The following LRRC7 variants were observed in gnomAD, a reference collection of about 807,000 sequenced individuals.
LRRC7 encodes leucine rich repeat containing 7, also known as leucine-rich repeat-containing protein 7.
LRRC7 carries 23 observed loss-of-function variants against 175.7 expected under a neutral mutation model. The ratio of observed to expected loss-of-function variants is 0.13; its 90% CI spans 0.09 to 0.19. The LOEUF is 0.19. LRRC7 is among the 10% of genes least tolerant of loss of function. The pLI is 1.00. For missense variants in LRRC7, 1,354 were observed against 1,904.7 expected, an observed-to-expected ratio of 0.71 and a Z score of 5.38; for synonymous variants, 685 against 680.9, an observed-to-expected ratio of 1.01 and a Z score of -0.09.
At chr1:69,890,178 G>T (rs961435596) in intron 7 of LRRC7, among the ~76,000 whole-genome samples, 1 of 152,170 alleles carries the variant, frequency 6.6e-6, no homozygotes, top group Non-Finnish European at 1.5e-5. Context: ...CCAGGTCCAT[G>T]TGAGGAATCA....
At chr1:69,714,744 C>G (rs1171936364) in intron 2 of LRRC7, among the ~76,000 whole-genome samples, 1 of 152,078 alleles carries the variant, frequency 6.6e-6, no homozygotes, top group Non-Finnish European at 1.5e-5. Flanking sequence ...GGCAGAGAAT[C>G]ACTTTTTAAC....
At chr1:69,887,331 T>G (rs1424996661) in intron 7 of LRRC7, among the ~76,000 whole-genome samples, 1 of 129,782 alleles carries the variant, frequency 7.7e-6, no homozygotes, top group South Asian at 2.8e-4. Flanking sequence ...TTATTCTTTT[T>G]TCTCTAAACT....
At chr1:69,877,027 G>A (rs1686102735) in intron 7 of LRRC7, among the ~76,000 whole-genome samples, 1 of 152,064 alleles carries the variant, frequency 6.6e-6, no homozygotes, top group Non-Finnish European at 1.5e-5. Context: ...ATGGGCAAAA[G>A]GAAAATGAGT....
At chr1:69,659,663 A>G (rs1270284450) in intron 1 of LRRC7, among the ~76,000 whole-genome samples, 3 of 152,040 alleles carry the variant, frequency 2.0e-5, no homozygotes, top group East Asian at 1.9e-4. Context: ...CAAAATATGG[A>G]CATTTTCAGA....
intron 2 of LRRC7, among the ~76,000 whole-genome samples, chr1:69,737,711 A>G (rs1056600571): frequency 2.2e-4 from 33 of 152,002 alleles, no homozygotes; most frequent in Admixed American, 4.6e-4. Context: ...AGTGTTAGAC[A>G]CTTCCCAGAA....
intron 7 of LRRC7, among the ~76,000 whole-genome samples, chr1:69,897,005 A>G (rs1180827696): frequency 1.3e-5 from 2 of 152,142 alleles, no homozygotes; most frequent in Non-Finnish European, 2.9e-5. Flanking sequence ...TTCCAATTGT[A>G]ATGCTTTGTT....
intron 1 of LRRC7, among the ~76,000 whole-genome samples, chr1:69,580,687 T>C (rs1271454786): frequency 6.6e-6 from 1 of 152,224 alleles, no homozygotes; most frequent in Non-Finnish European, 1.5e-5. Context: ...CCTGCATTCA[T>C]TCATTCTAAA....
intron 8 of LRRC7, among the ~76,000 whole-genome samples, chr1:69,967,342 A>G (rs538960255): frequency 3.4e-4 from 51 of 152,036 alleles, no homozygotes; most frequent in South Asian, 2.3e-3. Flanking sequence ...CCCTGCTCCC[A>G]CCTAATGCTC....
chr1:69,862,492 C>A (rs1684460609), intron 7 of LRRC7, among the ~76,000 whole-genome samples: 1 of 152,152 alleles, frequency 6.6e-6, no homozygotes, highest in Admixed American at 6.5e-5. Context: ...TAGTCCTGGA[C>A]AAAGCCTACC....
intron 7 of LRRC7, among the ~76,000 whole-genome samples, chr1:69,915,562 G>C (rs1240559881): frequency 2.0e-5 from 3 of 152,092 alleles, no homozygotes; most frequent in African/African-American, 7.2e-5. Context: ...ATTTCCATCT[G>C]TTAGAGATTC....
chr1:69,730,805 A>G lies in LRRC7; in HGVS notation c.101-29386A>G, dbSNP rs546938026. On this transcript the variant is annotated intron_variant, in intron 2 of 26. Coordinates refer to ENST00000651989, the MANE Select transcript of LRRC7 (RefSeq NM_001370785.2). The stretch of plus-strand genomic sequence containing the variant: ...CCACTACCTGGTGCCAATTTACTGT[A>G]TTAGTCTGTTCTCATACTACTAATA... Among the ~76,000 whole-genome samples, 6 of 152,282 alleles carry G rather than the reference A, an allele frequency of 3.9e-5. No homozygotes were observed. The South Asian group carries it at 1.2e-3, about 32-fold the overall frequency.
At chr1:69,932,011 A>G (rs996956161) in intron 8 of LRRC7, among the ~76,000 whole-genome samples, 5 of 152,228 alleles carry the variant, frequency 3.3e-5, no homozygotes, top group African/African-American at 1.2e-4. Flanking sequence ...TAAGTCACCA[A>G]TGGCATTCTG....
intron 16 of LRRC7, 66 bp from the exon 17 acceptor site, chr1:70,023,060 A>G (rs982967632): frequency 1.5e-6 from 2 of 1,366,196 alleles, no homozygotes; most frequent in Non-Finnish European, 1.9e-6. Flanking sequence ...TAGAAAAATG[A>G]TAAAGTGAAA....
chr1:69,897,483 C>T (rs867277547), intron 7 of LRRC7, among the ~76,000 whole-genome samples: 5 of 152,062 alleles, frequency 3.3e-5, no homozygotes, highest in African/African-American at 1.2e-4. Flanking sequence ...GTACATTTCT[C>T]CCCACAATAA....
intron 7 of LRRC7, among the ~76,000 whole-genome samples, chr1:69,922,876 A>G (rs906456552): frequency 2.0e-5 from 3 of 151,872 alleles, no homozygotes; most frequent in Non-Finnish European, 4.4e-5. Context: ...TTAGTTACGT[A>G]TGTATACATA....
intron 24 of LRRC7, among the ~76,000 whole-genome samples, chr1:70,080,558 A>G (rs1663129921): frequency 6.6e-6 from 1 of 152,212 alleles, no homozygotes. Flanking sequence ...TATTTTTCAG[A>G]AATAATGAGT....
chr1:70,079,665 C>T (rs554537169), intron 24 of LRRC7, among the ~76,000 whole-genome samples: 3 of 152,258 alleles, frequency 2.0e-5, no homozygotes, highest in Admixed American at 6.5e-5. Flanking sequence ...ATATTAAGCA[C>T]GTGCTATGTG....
chr1:69,927,102 A>G (rs1293635938), intron 7 of LRRC7, among the ~76,000 whole-genome samples: 1 of 152,184 alleles, frequency 6.6e-6, no homozygotes, highest in East Asian at 1.9e-4. Context: ...TGTGGGTTGA[A>G]AATTCTTTCC....
At chr1:69,696,551 T>A (rs1363233809) in intron 2 of LRRC7, among the ~76,000 whole-genome samples, 2 of 152,084 alleles carry the variant, frequency 1.3e-5, no homozygotes, top group African/African-American at 4.8e-5. Context: ...GAACAAGAGA[T>A]GATGTGGAGG....
Sources: gnomAD v4.1 joint callset for allele counts (sites outside exome capture counted in the v4.1 genomes callset) on GRCh38, gnomAD v4.1.1 for gene constraint, MANE v1.5 for transcripts, NCBI Gene and HGNC (gene_info 2026-07-23, HGNC 2026-07-21) for gene names.